ABR: variants seen among roughly 807,000 people sequenced by gnomAD.
The protein encoded by ABR is active breakpoint cluster region-related protein.
Under a neutral mutation model 107.2 loss-of-function variants are expected in ABR, and 35 were observed. That is an observed-to-expected ratio of 0.33 (90% CI 0.25 to 0.43). ABR has a LOEUF of 0.43. Ranked by LOEUF, ABR falls within the 20% of genes least tolerant of loss-of-function variation. ABR has a pLI of 1.00. For synonymous variants in ABR, 498 were observed against 462.0 expected, an observed-to-expected ratio of 1.08 and a Z score of -1.00; for missense variants, 815 against 1,115.2, an observed-to-expected ratio of 0.73 and a Z score of 3.83.
At chr17:1,213,421 G>C (rs1048930456) in intron 1 of ABR, among the ~76,000 whole-genome samples, 31 of 152,256 alleles carry the variant, frequency 2.0e-4, no homozygotes, top group Admixed American at 1.6e-3. Flanking sequence ...ACGGAGTCTC[G>C]CTCTGTCCCC....
chr17:1,141,189 C>T (rs1273853880), intron 1 of ABR, among the ~76,000 whole-genome samples: 2 of 152,104 alleles, frequency 1.3e-5, no homozygotes, highest in African/African-American at 4.8e-5. Flanking sequence ...TTAATACCAT[C>T]GGGAGCCCCT....
At chr17:1,203,740 C>T (rs1286725918) in intron 1 of ABR, among the ~76,000 whole-genome samples, 1 of 152,080 alleles carries the variant, frequency 6.6e-6, no homozygotes, top group Non-Finnish European at 1.5e-5. Flanking sequence ...AGGCGGATGG[C>T]GCCCCCCGGG....
intron 2 of ABR, among the ~76,000 whole-genome samples, chr17:1,108,503 T>C (rs927009909): frequency 1.3e-5 from 2 of 152,240 alleles, no homozygotes; most frequent in Non-Finnish European, 2.9e-5. Flanking sequence ...TCAAGGAAGC[T>C]CAGTGACCTC....
chr17:1,050,180 T>C lies in ABR; in HGVS notation c.1661A>G (p.Glu554Gly). 1 of 1,611,630 alleles carries C rather than the reference T, an allele frequency of 6.2e-7. No homozygotes were observed. Among genetic ancestry groups the C allele is most frequent in the Non-Finnish European group, 8.5e-7 (1 of 1,179,368 alleles). ...RDTAEPKWDEEFEIELEGSQS... is the reference protein window; with the variant it reads ...RDTAEPKWDEGFEIELEGSQS... The stretch of plus-strand genomic sequence containing the variant: ...GGAGCCCTCCAGCTCGATCTCAAAC[T>C]CCTGGGGAAAGATGGGACAAAGGGC... Residue 554 changes from glutamate to glycine, a missense_variant and splice_region_variant, in exon 16 of 23, where the codon GAG becomes GGG. Transcript: ENST00000302538. The surrounding 1 kb of genome is among the most constrained non-coding windows in gnomAD (Gnocchi z 4.6).
intron 10 of ABR, among the ~76,000 whole-genome samples, chr17:1,063,556 C>T (rs1597626130): frequency 1.5e-5 from 2 of 129,718 alleles, no homozygotes; most frequent in Non-Finnish European, 3.3e-5. Flanking sequence ...TTCCTCTAGA[C>T]ACTGTTATGT....
chr17:1,142,974 G>C (rs955747545), intron 1 of ABR, among the ~76,000 whole-genome samples: 2 of 151,678 alleles, frequency 1.3e-5, no homozygotes, highest in Admixed American at 1.3e-4. Context: ...TCACTCCTGG[G>C]GGACAGCTCG....
At chr17:1,166,760 G>A (rs975011533) in intron 1 of ABR, among the ~76,000 whole-genome samples, 10 of 152,230 alleles carry the variant, frequency 6.6e-5, no homozygotes, top group Non-Finnish European at 1.0e-4. Flanking sequence ...AGCACTTTGG[G>A]AGGCCGAGGC....
At chr17:1,061,305 C>T (rs1434945277) in intron 10 of ABR, among the ~76,000 whole-genome samples, 1 of 152,090 alleles carries the variant, frequency 6.6e-6, no homozygotes, top group Non-Finnish European at 1.5e-5. Flanking sequence ...TGCTCCTGGG[C>T]GGGCACTGTG....
chr17:1,153,636 G>A (rs1239658252), intron 1 of ABR, among the ~76,000 whole-genome samples: 4 of 80,872 alleles, frequency 4.9e-5, no homozygotes, highest in African/African-American at 9.9e-5. Context: ...GCACACCTAC[G>A]GGAGGGCTGG....
chr17:1,133,179 T>C (rs1368268433), intron 1 of ABR, among the ~76,000 whole-genome samples: 1 of 151,708 alleles, frequency 6.6e-6, no homozygotes, highest in African/African-American at 2.4e-5. Flanking sequence ...GAGGTGGAGG[T>C]TGCGGTGAGC....
intron 3 of ABR, among the ~76,000 whole-genome samples, chr17:1,097,590 C>CAA (rs57256346): frequency 0.23 from 23,718 of 104,348 alleles, 3,042 homozygotes; most frequent in Non-Finnish European, 0.27. Flanking sequence ...GACTCCGTCT[C>CAA]AAAAAAAAAA....
intron 3 of ABR, among the ~76,000 whole-genome samples, chr17:1,094,803 G>A (rs2037292012): frequency 6.6e-6 from 1 of 152,164 alleles, no homozygotes; most frequent in African/African-American, 2.4e-5. Flanking sequence ...CTGCATGGAG[G>A]AGGCACACAT....
At chr17:1,012,565 C>T (rs1461850416) in intron 18 of ABR, 123 bp downstream of exon 18, 2 of 762,574 alleles carry the variant, frequency 2.6e-6, no homozygotes, top group Non-Finnish European at 2.3e-6. Context: ...CATCTGCCAC[C>T]GCCGAGCGGG....
At chr17:1,173,242 C>T (rs577185550) in intron 1 of ABR, among the ~76,000 whole-genome samples, 28 of 127,200 alleles carry the variant, frequency 2.2e-4, no homozygotes, top group African/African-American at 5.9e-4. Context: ...CTCAGCCCAC[C>T]CAACACATCA....
chr17:1,041,931 G>C (rs1360750810), intron 16 of ABR, among the ~76,000 whole-genome samples: 19 of 152,266 alleles, frequency 1.2e-4, no homozygotes, highest in Admixed American at 1.1e-3. Flanking sequence ...GGGAGGGGGA[G>C]AGAAGGCCGA....
intron 2 of ABR, among the ~76,000 whole-genome samples, chr17:1,101,776 C>T (rs1477291663): frequency 6.6e-6 from 1 of 151,472 alleles, no homozygotes; most frequent in East Asian, 1.9e-4. Context: ...CTCTGTCGCC[C>T]AGGCTAGAGT....
chr17:1,142,105 A>G lies in ABR; in HGVS notation c.62-16738T>C, dbSNP rs1470744496. 2.0e-5 allele frequency among the ~76,000 whole-genome samples: 3 copies of G among 152,008 alleles called. No homozygotes were observed. In the East Asian group the frequency reaches 5.8e-4, roughly 29 times the overall value. On this transcript the variant is annotated intron_variant, in intron 1 of 22. Transcript: ENST00000302538. ...ATAACTGTTCCAATCTTCACTGCACACTGGAATCCCTGGGGAGTTGGGAAG... is the reference window on the plus strand; with the variant it reads ...ATAACTGTTCCAATCTTCACTGCACGCTGGAATCCCTGGGGAGTTGGGAAG...
At position 1,029,624 on chromosome 17, in the gene ABR, C is replaced by T. The variant is rs113638553; in HGVS notation, c.1792-16460G>A. Among the ~76,000 whole-genome samples, 1,147 of 152,234 alleles carry T rather than the reference C, an allele frequency of 7.5e-3. 24 individuals are homozygous for T. Among genetic ancestry groups the T allele is most frequent in the African/African-American group, 0.026 (1,067 of 41,522 alleles). On this transcript the variant is annotated intron_variant, in intron 16 of 22. Transcript: ENST00000302538. ...ACCAGGCACCCTTCCCTTACCCCAC[C>T]GAAACGAAACTGCCTAGTCCCAGCC...
At chr17:1,109,159 G>T in intron 2 of ABR, 3 of 1,275,356 alleles carry the variant, frequency 2.4e-6, no homozygotes, top group Admixed American at 2.3e-5. Flanking sequence ...GCGGGAGGGG[G>T]GGCAGGTCTA....
Sources: allele counts gnomAD v4.1 joint callset (sites outside exome capture counted in the v4.1 genomes callset), GRCh38; gene constraint gnomAD v4.1.1; non-coding constraint Gnocchi (gnomAD v3.1); transcripts MANE v1.5; gene names NCBI Gene and HGNC (gene_info 2026-07-23, HGNC 2026-07-21).